The following NBAS variants were observed in gnomAD, a reference collection of about 807,000 sequenced individuals.
NBAS encodes NBAS subunit of NRZ tethering complex, also known as NAG/BC035112 fusion.
A neutral mutation model predicts 302.5 loss-of-function variants in NBAS; 219 were observed. The ratio of observed to expected loss-of-function variants is 0.72; its 90% CI spans 0.65 to 0.81. The LOEUF is 0.81. NBAS is among the 30% of genes least tolerant of loss of function. NBAS has a pLI of 0.00. For missense variants in NBAS, 2,932 were observed against 2,841.6 expected (o/e 1.03, Z -0.72); for synonymous variants, 1,118 against 1,021.6 (o/e 1.09, Z -1.80).
the NBAS span, among the ~76,000 whole-genome samples, chr2:14,920,080 A>C: frequency 6.6e-6 from 1 of 152,200 alleles, no homozygotes; most frequent in Non-Finnish European, 1.5e-5. Flanking sequence ...CTTATGAAAT[A>C]TATTTCCCAA....
At chr2:14,901,453 C>A in the NBAS span, among the ~76,000 whole-genome samples, 1 of 149,940 alleles carries the variant, frequency 6.7e-6, no homozygotes, top group Non-Finnish European at 1.5e-5. Context: ...AAAAAAAAAT[C>A]GGAAGGGTAA....
the NBAS span, among the ~76,000 whole-genome samples, chr2:14,818,718 C>A: frequency 2.0e-5 from 3 of 152,186 alleles, no homozygotes; most frequent in African/African-American, 7.2e-5. Context: ...TGCTAAACCT[C>A]TACAAAGCAG....
At chr2:15,129,924 G>T in the NBAS span, among the ~76,000 whole-genome samples, 1 of 152,216 alleles carries the variant, frequency 6.6e-6, no homozygotes, top group Non-Finnish European at 1.5e-5. Context: ...TGTTATGTGT[G>T]TGTTAAAATA....
intron 38 of NBAS, among the ~76,000 whole-genome samples, chr2:15,320,924 C>T (rs1476382565): frequency 2.0e-5 from 3 of 152,146 alleles, no homozygotes; most frequent in Non-Finnish European, 4.4e-5. Context: ...CAAAAAAGAG[C>T]CCGCATTGCC....
At chr2:15,221,986 A>G (rs1666967876) in intron 47 of NBAS, among the ~76,000 whole-genome samples, 1 of 152,238 alleles carries the variant, frequency 6.6e-6, no homozygotes, top group Admixed American at 6.5e-5. Flanking sequence ...GAAGTCACTC[A>G]ATAGAGCAGA....
the NBAS span, among the ~76,000 whole-genome samples, chr2:14,881,339 A>G: frequency 6.6e-6 from 1 of 152,322 alleles, no homozygotes; most frequent in South Asian, 2.1e-4. Context: ...CAATGGAAAC[A>G]ACAGACACTG....
chr2:15,166,912 C>T (rs531414894), downstream of NBAS: 38 of 1,192,332 alleles, frequency 3.2e-5, no homozygotes, highest in Middle Eastern at 6.0e-4. Context: ...CGGCAGCTTG[C>T]TCATCGTTTC....
the NBAS span, among the ~76,000 whole-genome samples, chr2:14,901,037 T>C: frequency 6.6e-6 from 1 of 152,284 alleles, no homozygotes; most frequent in East Asian, 1.9e-4. Flanking sequence ...TCTTAAGGAC[T>C]TGAAATTCCC....
chr2:14,963,181 C>T, the NBAS span, among the ~76,000 whole-genome samples: 151,452 of 152,220 alleles, frequency 0.99, 75,351 homozygotes, highest in East Asian at 1. Context: ...GGCAGGAGAA[C>T]TACTTGAACC....
chr2:15,493,857 G>C (rs1193359655), intron 11 of NBAS, among the ~76,000 whole-genome samples: 1 of 136,776 alleles, frequency 7.3e-6, no homozygotes, highest in Non-Finnish European at 1.5e-5. Flanking sequence ...TGGAGACAGA[G>C]TCACTGTCTC....
chr2:15,504,024 G>A, intron 11 of NBAS, 121 bp downstream of exon 11: 1 of 772,386 alleles, frequency 1.3e-6, no homozygotes. Context: ...GCCACATAGT[G>A]TATATGAATA....
At position 15,411,800 on chromosome 2, in the gene NBAS, T is replaced by C. The variant is rs183697833; in HGVS notation, c.2937+3746A>G. ...CTGCTAATTTCTAATCCATTATATC[T>C]GGATTGAGCATAGAAAATGCTAAGA... On this transcript the variant is annotated intron_variant, in intron 25 of 51. Coordinates refer to ENST00000281513, the MANE Select transcript of NBAS (RefSeq NM_015909.4). Among the ~76,000 whole-genome samples, 1,169 of 152,284 alleles carry C rather than the reference T, an allele frequency of 7.7e-3. 17 individuals carry two copies. Among genetic ancestry groups the C allele is most frequent in the South Asian group, 0.015 (71 of 4,820 alleles).
chr2:15,293,674 G>C (rs1670421912), intron 40 of NBAS, among the ~76,000 whole-genome samples: 1 of 151,526 alleles, frequency 6.6e-6, no homozygotes, highest in South Asian at 2.1e-4. Flanking sequence ...ATCTACCTTT[G>C]GTTCTCAGAA....
intron 21 of NBAS, among the ~76,000 whole-genome samples, chr2:15,430,976 T>A (rs1677737204): frequency 7.1e-6 from 1 of 140,828 alleles, no homozygotes; most frequent in South Asian, 2.2e-4. Flanking sequence ...GCCCGGCTAA[T>A]TTTTTTTTTT....
the NBAS span, among the ~76,000 whole-genome samples, chr2:15,152,798 C>G: frequency 0.56 from 84,678 of 152,130 alleles, 24,433 homozygotes; most frequent in East Asian, 0.72. Context: ...AAGAAGTGGA[C>G]TTCCCTCCAA....
chr2:15,189,559 G>A (rs1194441952), intron 49 of NBAS, among the ~76,000 whole-genome samples: 1 of 136,396 alleles, frequency 7.3e-6, no homozygotes, highest in Non-Finnish European at 1.5e-5. Flanking sequence ...CACAGCTCAT[G>A]AGACCCAGTC....
At chr2:15,090,816 A>G in the NBAS span, among the ~76,000 whole-genome samples, 1 of 152,146 alleles carries the variant, frequency 6.6e-6, no homozygotes, top group African/African-American at 2.4e-5. Flanking sequence ...AGCATTTGGA[A>G]CGGCTTTCAC....
At chr2:15,111,296 GTAGAACCC>G in the NBAS span, among the ~76,000 whole-genome samples, 7 of 152,072 alleles carry the variant, frequency 4.6e-5, no homozygotes, top group Non-Finnish European at 7.4e-5. Flanking sequence ...AGAGCAAAAA[GTAGAACCC>G]ATGTAAAAAC....
the NBAS span, among the ~76,000 whole-genome samples, chr2:15,090,817 C>T: frequency 1.3e-5 from 2 of 152,178 alleles, no homozygotes; most frequent in Admixed American, 1.3e-4. Context: ...GCATTTGGAA[C>T]GGCTTTCACA....
Sources: gnomAD v4.1 joint callset for allele counts (sites outside exome capture counted in the v4.1 genomes callset) on GRCh38, gnomAD v4.1.1 for gene constraint, MANE v1.5 for transcripts, NCBI Gene and HGNC (gene_info 2026-07-23, HGNC 2026-07-21) for gene names.